LRRD1: variants seen among roughly 807,000 people sequenced by gnomAD.
The protein encoded by LRRD1 is leucine-rich repeat and death domain-containing protein 1.
LRRD1 carries 49 observed loss-of-function variants against 69.5 expected under a neutral mutation model. The observed-to-expected ratio is 0.70, with a 90% CI of 0.56 to 0.89. LRRD1 has a LOEUF of 0.89. Ranked by LOEUF, LRRD1 falls within the 40% of genes least tolerant of loss-of-function variation. The pLI is 0.00. For missense variants in LRRD1, 853 were observed against 956.0 expected, an observed-to-expected ratio of 0.89 and a Z score of 1.42; for synonymous variants, 303 against 338.9, an observed-to-expected ratio of 0.89 and a Z score of 1.16.
chr7:92,174,027 C>T (rs1231506702), intron 1 of LRRD1, among the ~76,000 whole-genome samples: 1 of 152,060 alleles, frequency 6.6e-6, no homozygotes, highest in African/African-American at 2.4e-5. Context: ...TCATTTGTAG[C>T]AACATGGATG....
chr7:92,165,973 G>A (rs772784817), intron 1 of LRRD1, among the ~76,000 whole-genome samples: 4 of 151,794 alleles, frequency 2.6e-5, no homozygotes, highest in Non-Finnish European at 5.9e-5. Flanking sequence ...TATGGTACTA[G>A]TGTCTTGCTC....
At chr7:92,146,536 G>A (rs1372793370) in intron 4 of LRRD1, among the ~76,000 whole-genome samples, 1 of 151,424 alleles carries the variant, frequency 6.6e-6, no homozygotes, top group African/African-American at 2.4e-5. Context: ...AGACTCACTT[G>A]AACCGGGGAG....
intron 2 of LRRD1, among the ~76,000 whole-genome samples, chr7:92,160,014 C>G (rs553303414): frequency 1.3e-5 from 2 of 152,224 alleles, no homozygotes; most frequent in African/African-American, 4.8e-5. Flanking sequence ...TGTTTCCAAG[C>G]ACAAAATGCA....
At position 92,163,442 on chromosome 7, in the gene LRRD1, C is replaced by T. The variant is rs145914756; in HGVS notation, c.1761G>A (p.Ser587=). The T allele has an allele frequency of 8.1e-5, 125 of 1,544,074 alleles. No homozygotes were observed. The Middle Eastern group carries it at 2.0e-3, about 25-fold the overall frequency. Residue 587 remains serine, a synonymous_variant, in exon 2 of 6, where the codon TCG becomes TCA. Coordinates refer to ENST00000458448, the MANE Select transcript of LRRD1 (RefSeq NM_001161528.2). ...TLENLQVLDL[S]ENQLQKISSD... ...AAGAGATTTTCTGTAATTGGTTTTC[C>T]GAAAGATCAAGTACTTGCAAATTTT...
At chr7:92,152,351 T>C (rs1221426196) in intron 3 of LRRD1, among the ~76,000 whole-genome samples, 2 of 152,006 alleles carry the variant, frequency 1.3e-5, no homozygotes, top group African/African-American at 2.4e-5. Context: ...TAATGAGAAG[T>C]ATTCCATTAT....
rs1417626923 is a variant in LRRD1 at position 92,144,880 on chromosome 7, T to C, written c.*8A>G. 6.9e-7 allele frequency: 1 copy of C among 1,448,268 alleles called. No individual in the cohort carries two copies. The highest frequency in any genetic ancestry group is 2.6e-5 in the East Asian group (1 of 39,038). 89.7% of individuals were successfully genotyped at this position (1,448,268 alleles called of 1,614,324 possible). A position where few individuals can be genotyped will look rare whatever the true frequency, so the allele number is the denominator to read the frequency against. The stretch of plus-strand genomic sequence containing the variant: ...AAAAGTTTTCAGTTTTTATTATTGA[T>C]CCACTGGTTAGAATTTAATTGCACG... On this transcript the variant is annotated 3_prime_UTR_variant, in exon 6 of 6. Transcript: ENST00000458448.
At chr7:92,173,122 T>C (rs1253317595) in intron 1 of LRRD1, among the ~76,000 whole-genome samples, 1 of 152,148 alleles carries the variant, frequency 6.6e-6, no homozygotes, top group African/African-American at 2.4e-5. Flanking sequence ...TAAATGGTGC[T>C]GAGAAAACTG....
rs1026389952 is a variant in LRRD1 at position 92,164,596 on chromosome 7, G to C, written c.607C>G (p.Leu203Val). Residue 203 changes from leucine (L) to valine (V), a missense_variant, in exon 2 of 6, where the codon CTT (leucine) becomes GTT (valine). Transcript: ENST00000458448. ...LSLQENGLSSLPSEIQLLHNL... is the reference protein window; with the variant it reads ...LSLQENGLSSVPSEIQLLHNL... ...TGAAGTAACTGAATTTCAGATGGAA[G>C]TGATGATAATCCATTTTCTTGCAGG... The C allele has an allele frequency of 3.0e-5, 47 of 1,551,280 alleles. No individual in the cohort carries two copies. Among genetic ancestry groups the C allele is most frequent in the Middle Eastern group, 3.3e-4 (2 of 6,010 alleles).
intron 1 of LRRD1, among the ~76,000 whole-genome samples, chr7:92,174,489 A>G (rs1194473633): frequency 1.3e-4 from 2 of 14,854 alleles, no homozygotes; most frequent in African/African-American, 2.9e-4. Flanking sequence ...ATATATATAT[A>G]TATATATATA....
At position 92,164,901 on chromosome 7, in the gene LRRD1, G is replaced by C; in HGVS notation, c.302C>G (p.Ser101Ter). Reference sequence around the variant, plus strand: ...TTCTGCAGTCCTCCCAGTTAGTGATGATAAACTCTGTGAAGTTCCTGTTCT... The same window carrying C: ...TTCTGCAGTCCTCCCAGTTAGTGATCATAAACTCTGTGAAGTTCCTGTTCT... ...STRTGTSQSLSSLTGRTAEYQ... is the reference protein window; with the variant it reads ...STRTGTSQSL Residue 101 changes from serine (S) to a stop codon, truncating the protein, a stop_gained, in exon 2 of 6, where the codon TCA (serine) becomes TGA (stop). Transcript: ENST00000458448. LOFTEE classifies it high-confidence loss of function. 2 of 1,551,536 alleles carry C rather than the reference G, an allele frequency of 1.3e-6. No individual in the cohort carries two copies. The highest frequency in any genetic ancestry group is 1.7e-6 in the Non-Finnish European group (2 of 1,146,914).
chr7:92,146,815 G>A (rs757451742), intron 4 of LRRD1, among the ~76,000 whole-genome samples: 17 of 150,766 alleles, frequency 1.1e-4, no homozygotes, highest in South Asian at 2.1e-4. Context: ...CCAGCTACTC[G>A]GGAGGCTGAG....
In LRRD1 at chr7:92,159,254, A is replaced by G. The variant is rs1287568543; in HGVS notation, c.1918-51T>C. ...CATTTATAAATACATACATATTTGCATGACTAAAACTTCTTCTAAAATCAA... is the reference window on the plus strand; with the variant it reads ...CATTTATAAATACATACATATTTGCGTGACTAAAACTTCTTCTAAAATCAA... On this transcript the variant is annotated intron_variant, in intron 2 of 5. Coordinates refer to ENST00000458448, the MANE Select transcript of LRRD1 (RefSeq NM_001161528.2). 7 of 1,156,088 alleles carry G rather than the reference A, an allele frequency of 6.1e-6. No individual in the cohort carries two copies. The African/African-American group carries it at 6.5e-5, about 11-fold the overall frequency. 71.6% of individuals were successfully genotyped at this position (1,156,088 alleles called of 1,614,324 possible). A position where few individuals can be genotyped will look rare whatever the true frequency, so the allele number is the denominator to read the frequency against.
intron 1 of LRRD1, among the ~76,000 whole-genome samples, chr7:92,173,463 A>C (rs1299838523): frequency 6.6e-6 from 1 of 152,236 alleles, no homozygotes; most frequent in East Asian, 1.9e-4. Flanking sequence ...CAACGAATTA[A>C]CCAGAATATG....
chr7:92,151,403 G>A (rs908080906), intron 3 of LRRD1, among the ~76,000 whole-genome samples: 10 of 152,192 alleles, frequency 6.6e-5, no homozygotes, highest in Admixed American at 4.6e-4. Flanking sequence ...TACCACAGAG[G>A]TGAAGTGCAC....
chr7:92,143,702 TCTC>T (rs1447404789), downstream of LRRD1, among the ~76,000 whole-genome samples: 3 of 152,094 alleles, frequency 2.0e-5, no homozygotes, highest in Non-Finnish European at 4.4e-5. Flanking sequence ...CGCCCGCGCC[TCTC>T]CCTGCACACA....
chr7:92,159,104 A>G lies in LRRD1; in HGVS notation c.2017T>C (p.Leu673=), dbSNP rs1239937231. 3 of 1,547,264 alleles carry G rather than the reference A, an allele frequency of 1.9e-6. No individual in the cohort carries two copies. Among genetic ancestry groups the G allele is most frequent in the East Asian group, 2.5e-5 (1 of 40,754 alleles). Residue 673 remains leucine (L), a synonymous_variant, in exon 3 of 6, where the codon TTG becomes CTG. Transcript: ENST00000458448. ...IREIPRNIGE[L]RNLVSLHAYN... is the part of the protein sequence containing the mutation. ...GCATGTAAACTAACCAAATTTCTCAATTCTCCTATATTTCTTGGAATCTCT... is the reference window on the plus strand; with the variant it reads ...GCATGTAAACTAACCAAATTTCTCAGTTCTCCTATATTTCTTGGAATCTCT...
chr7:92,165,578 G>A (rs1788889186), intron 1 of LRRD1, among the ~76,000 whole-genome samples: 1 of 151,896 alleles, frequency 6.6e-6, no homozygotes, highest in South Asian at 2.1e-4. Context: ...ACATAAAAGG[G>A]GGCCGGGTGC....
intron 3 of LRRD1, among the ~76,000 whole-genome samples, chr7:92,155,298 G>A (rs1211326239): frequency 6.6e-6 from 1 of 152,232 alleles, no homozygotes; most frequent in Non-Finnish European, 1.5e-5. Context: ...GTGACTGACA[G>A]GCAGGGAGCA....
chr7:92,164,240 T>G lies in LRRD1; in HGVS notation c.963A>C (p.Glu321Asp), dbSNP rs1480796618. 1 of 1,550,474 alleles carries G rather than the reference T, an allele frequency of 6.4e-7. No individual in the cohort carries two copies. Among genetic ancestry groups the G allele is most frequent in the East Asian group, 2.5e-5 (1 of 40,800 alleles). Residue 321 changes from glutamate to aspartate, a missense_variant, in exon 2 of 6, where the codon GAA becomes GAC. Physicochemically the swap from Glu to Asp is conservative, Grantham distance 45 (BLOSUM62 2). Around this residue, in one of 3 missense-constraint regions of LRRD1, gnomAD observed 739 missense variants for 808.0 expected, o/e 0.91. Coordinates refer to ENST00000458448, the MANE Select transcript of LRRD1 (RefSeq NM_001161528.2). ...TGNLISSLPK[E>D]IRELKNLETL... ...TTTCTAAATTTTTAAGCTCTCTAATTTCTTTTGGCAAACTGCTTATTAGGT... is the reference window on the plus strand; with the variant it reads ...TTTCTAAATTTTTAAGCTCTCTAATGTCTTTTGGCAAACTGCTTATTAGGT...
Sources: gnomAD v4.1 joint callset for allele counts (sites outside exome capture counted in the v4.1 genomes callset) on GRCh38, gnomAD v4.1.1 for gene constraint, gnomAD v4.1.1 regional missense constraint, MANE v1.5 for transcripts, NCBI Gene and HGNC (gene_info 2026-07-23, HGNC 2026-07-21) for gene names.